ARAP2: variants seen among roughly 807,000 people sequenced by gnomAD.
ARAP2 encodes arf-GAP with Rho-GAP domain, ANK repeat and PH domain-containing protein 2.
A neutral mutation model predicts 194.5 loss-of-function variants in ARAP2; 148 were observed. That is an observed-to-expected ratio of 0.76 (90% CI 0.67 to 0.87). The LOEUF (loss-of-function observed/expected upper bound fraction) is 0.87. Ranked by LOEUF, ARAP2 falls within the 40% of genes least tolerant of loss-of-function variation. The pLI, the probability that ARAP2 is intolerant of heterozygous loss-of-function variation, is 0.00. For missense variants in ARAP2, 2,128 were observed against 1,989.7 expected, an observed-to-expected ratio of 1.07 and a Z score of -1.32; for synonymous variants, 695 against 683.5, an observed-to-expected ratio of 1.02 and a Z score of -0.26.
At chr4:36,134,196 T>C (rs1262715486) in intron 19 of ARAP2, among the ~76,000 whole-genome samples, 1 of 151,804 alleles carries the variant, frequency 6.6e-6, no homozygotes, top group Non-Finnish European at 1.5e-5. Context: ...GTAACATTAA[T>C]GACTAATGTA....
intron 5 of ARAP2, among the ~76,000 whole-genome samples, chr4:36,039,225 T>C (rs1720427656): frequency 1.3e-5 from 2 of 152,186 alleles, no homozygotes; most frequent in South Asian, 4.1e-4. Context: ...CTTAGTCACA[T>C]GCAGAAAAAT....
At chr4:36,121,465 T>C (rs989910984) in intron 22 of ARAP2, 139 bp from the exon 23 acceptor site, 2 of 682,700 alleles carry the variant, frequency 2.9e-6, no homozygotes, top group Non-Finnish European at 4.6e-6. Context: ...CTTAAAAGCA[T>C]ATGGTTCTTT....
chr4:36,188,841 TG>T (rs1236903896), intron 7 of ARAP2, among the ~76,000 whole-genome samples: 1 of 152,156 alleles, frequency 6.6e-6, no homozygotes, highest in Non-Finnish European at 1.5e-5. Flanking sequence ...CCTTAGCAAT[TG>T]GTAAGGGACA....
At chr4:36,102,625 C>T (rs1051986482) in intron 27 of ARAP2, among the ~76,000 whole-genome samples, 6 of 151,964 alleles carry the variant, frequency 3.9e-5, no homozygotes, top group African/African-American at 1.2e-4. Context: ...CCCAGTTGAA[C>T]TACTTTTCTG....
intron 3 of ARAP2, among the ~76,000 whole-genome samples, chr4:36,213,751 A>T (rs1000597243): frequency 1.3e-5 from 2 of 152,158 alleles, no homozygotes; most frequent in Non-Finnish European, 2.9e-5. Context: ...GGTCACTAAC[A>T]TAATAGCTAG....
chr4:36,059,946 T>G (rs2109272378), intron 1 of ARAP2, among the ~76,000 whole-genome samples: 1 of 151,928 alleles, frequency 6.6e-6, no homozygotes, highest in Admixed American at 6.6e-5. Flanking sequence ...GAATGAGAGG[T>G]TAAAAAGAGA....
In ARAP2 at chr4:36,228,695, G is replaced by A. The variant is rs144926395; in HGVS notation, c.792C>T (p.Ile264=). 1.2e-6 allele frequency: 2 copies of A among 1,614,056 alleles called. No homozygotes were observed. The highest frequency in any genetic ancestry group is 1.3e-5 in the African/African-American group (1 of 75,022). ...VNDLYVPSSP[I]LAPVRSRSKL... ...TGCTACGACTTCTCACAGGTGCTAG[G>A]ATTGGTGATGATGGAACATACAAGT... is the stretch of plus-strand genomic sequence containing the variant. The change falls in exon 2 of 33, where the codon ATC becomes ATT. Residue 264 remains isoleucine (I), a synonymous_variant. Coordinates refer to ENST00000303965, the MANE Select transcript of ARAP2 (RefSeq NM_015230.4).
intron 6 of ARAP2, among the ~76,000 whole-genome samples, chr4:36,194,779 A>G (rs1368867545): frequency 6.6e-6 from 1 of 152,240 alleles, no homozygotes; most frequent in Non-Finnish European, 1.5e-5. Flanking sequence ...ATTTTCACAT[A>G]TAAGCATTGA....
At chr4:36,235,580 T>G (rs1017826278) in intron 1 of ARAP2, among the ~76,000 whole-genome samples, 1 of 152,222 alleles carries the variant, frequency 6.6e-6, no homozygotes, top group Non-Finnish European at 1.5e-5. Flanking sequence ...CTTCTACTAC[T>G]GCTGGTATCT....
intron 5 of ARAP2, among the ~76,000 whole-genome samples, chr4:36,036,596 C>T (rs909823555): frequency 1.3e-5 from 2 of 152,028 alleles, no homozygotes; most frequent in African/African-American, 4.8e-5. Context: ...TAAATTATCT[C>T]TATACCACAG....
intron 15 of ARAP2, among the ~76,000 whole-genome samples, chr4:36,158,189 C>T (rs778086080): frequency 1.3e-5 from 2 of 152,112 alleles, no homozygotes; most frequent in Non-Finnish European, 2.9e-5. Context: ...CATTGTAACT[C>T]TGCTCAGATA....
chr4:36,150,097 T>C (rs187923904), intron 16 of ARAP2, among the ~76,000 whole-genome samples: 369 of 152,334 alleles, frequency 2.4e-3, no homozygotes, highest in African/African-American at 8.4e-3. Flanking sequence ...AAATAATGCT[T>C]AATCTATTCA....
intron 28 of ARAP2, among the ~76,000 whole-genome samples, chr4:36,087,484 A>G (rs1185133117): frequency 6.6e-6 from 1 of 152,114 alleles, no homozygotes; most frequent in East Asian, 1.9e-4. Flanking sequence ...TCTTGAGACT[A>G]TCACTGCCTA....
chr4:36,204,138 G>A (rs907501570), intron 6 of ARAP2, among the ~76,000 whole-genome samples: 2 of 152,112 alleles, frequency 1.3e-5, no homozygotes, highest in African/African-American at 4.8e-5. Flanking sequence ...AGGGCAAGAA[G>A]TCCAACACCA....
intron 19 of ARAP2, among the ~76,000 whole-genome samples, chr4:36,146,595 T>G (rs1394910245): frequency 6.6e-6 from 1 of 152,060 alleles, no homozygotes; most frequent in African/African-American, 2.4e-5. Context: ...CTATCTGGAT[T>G]ACTGCAAAGT....
At chr4:36,231,393 A>C (rs1259113002) in intron 1 of ARAP2, among the ~76,000 whole-genome samples, 2 of 152,110 alleles carry the variant, frequency 1.3e-5, no homozygotes, top group Non-Finnish European at 2.9e-5. Context: ...GTTACACAAC[A>C]CTACATACAA....
chr4:36,192,763 C>T (rs565144639), intron 7 of ARAP2, among the ~76,000 whole-genome samples: 4 of 152,222 alleles, frequency 2.6e-5, no homozygotes, highest in African/African-American at 9.6e-5. Context: ...TTTGGGAGGC[C>T]AAGGCGGCAG....
rs996781147 is a variant in ARAP2, at chr4:36,111,451, G to A, written c.4156+2719C>T. 3.4e-4 allele frequency among the ~76,000 whole-genome samples: 51 copies of A among 151,944 alleles called. 1 individual carries two copies. Among genetic ancestry groups the A allele is most frequent in the Non-Finnish European group, 1.6e-4 (11 of 67,954 alleles). On this transcript the variant is annotated intron_variant, in intron 26 of 32. Transcript: ENST00000303965. ...CCTTACTGCAATTTCTACTTGTACA[G>A]TTGACAAAACATTAAGACCATGCCA...
Position 36,083,466 on chromosome 4 carries a change from A to G in ARAP2, c.4426-16T>C, listed in dbSNP as rs768350202. 3 of 1,496,332 alleles carry G rather than the reference A, an allele frequency of 2.0e-6. No homozygotes were observed. The highest frequency in any genetic ancestry group is 2.3e-5 in the East Asian group (1 of 43,414). 92.7% of individuals were successfully genotyped at this position (1,496,332 alleles called of 1,614,324 possible). On this transcript the variant is annotated splice_polypyrimidine_tract_variant and intron_variant, in intron 28 of 32. Transcript: ENST00000303965. ...GTTTACTACTCTGTAAGGTAAAAAA[A>G]TAATTTGTAATTAAATGGATTTACA...
Sources: allele counts gnomAD v4.1 joint callset (sites outside exome capture counted in the v4.1 genomes callset), GRCh38; gene constraint gnomAD v4.1.1; transcripts MANE v1.5; gene names NCBI Gene and HGNC (gene_info 2026-07-23, HGNC 2026-07-21).